The following PPP2R1B variants were observed in gnomAD, a reference collection of about 807,000 sequenced individuals.
The protein encoded by PPP2R1B is protein phosphatase 2 scaffold subunit Abeta.
In PPP2R1B, 58 loss-of-function variants were observed where a neutral mutation model predicts 72.7. That is an observed-to-expected ratio of 0.80 (90% CI 0.65 to 0.99). PPP2R1B has a LOEUF of 0.99. PPP2R1B is among the 50% of genes least tolerant of loss of function. The pLI is 0.00. For synonymous variants in PPP2R1B, 256 were observed against 264.6 expected, an observed-to-expected ratio of 0.97 and a Z score of 0.32; for missense variants, 695 against 733.6, an observed-to-expected ratio of 0.95 and a Z score of 0.61.
chr11:111,721,712 T>C, the PPP2R1B span: 1 of 664,858 alleles, frequency 1.5e-6, no homozygotes, highest in Non-Finnish European at 2.5e-6. Flanking sequence ...CTTTGAGTAT[T>C]AATAAGTCTC....
chr11:111,727,260 G>A (rs1944003271), intron 15 of PPP2R1B: 3 of 596,042 alleles, frequency 5.0e-6, no homozygotes, highest in South Asian at 2.0e-5. Flanking sequence ...CACCAGGGGA[G>A]TGGGGATGGG....
In PPP2R1B at chr11:111,740,798, C is replaced by T. The variant is rs1944491635; in HGVS notation, c.*798G>A. ...GTGGTTCTTAGACTCATTCGAAATA[C>T]AGAACTGCAATCTCACAATGAAACA... On this transcript the variant is annotated 3_prime_UTR_variant, in exon 15 of 15. Coordinates refer to ENST00000527614, the MANE Select transcript of PPP2R1B (RefSeq NM_002716.5). 1 of 985,370 alleles carries T rather than the reference C, an allele frequency of 1.0e-6. No individual in the cohort carries two copies. Among genetic ancestry groups the T allele is most frequent in the Non-Finnish European group, 1.2e-6 (1 of 829,858 alleles). 61.0% of individuals were successfully genotyped at this position (985,370 alleles called of 1,614,324 possible).
chr11:111,702,835 A>G, the PPP2R1B span, among the ~76,000 whole-genome samples: 134 of 152,316 alleles, frequency 8.8e-4, no homozygotes, highest in Non-Finnish European at 1.8e-3. Context: ...TAGCCTTAGT[A>G]TATCAGCATT....
At chr11:111,688,005 T>C in the PPP2R1B span, 9 of 1,614,110 alleles carry the variant, frequency 5.6e-6, no homozygotes, top group Non-Finnish European at 7.6e-6. This position sits in a 1 kb window ranked among gnomAD's most constrained non-coding sequence, Gnocchi z 4.2. Flanking sequence ...TTACAGACTA[T>C]CTTGCTAATC....
chr11:111,743,883 G>C (rs924683947), intron 11 of PPP2R1B, among the ~76,000 whole-genome samples: 2 of 152,228 alleles, frequency 1.3e-5, no homozygotes, highest in Non-Finnish European at 2.9e-5. Flanking sequence ...CATGGTGTAA[G>C]AGCAATTAGA....
intron 13 of PPP2R1B, 32 bp from the exon 14 acceptor site, chr11:111,742,176 A>G: frequency 1.3e-6 from 2 of 1,523,236 alleles, no homozygotes; most frequent in Non-Finnish European, 1.8e-6. Context: ...TGTGAAAGAC[A>G]GTCTAATGGG....
the PPP2R1B span, among the ~76,000 whole-genome samples, chr11:111,716,580 AAAAAAAG>A: frequency 1.3e-5 from 2 of 150,026 alleles, no homozygotes; most frequent in African/African-American, 5.1e-5. Context: ...CTGTCTCACC[AAAAAAAG>A]AAAAAAGAAG....
the PPP2R1B span, among the ~76,000 whole-genome samples, chr11:111,713,318 A>C: frequency 2.0e-5 from 3 of 152,246 alleles, no homozygotes; most frequent in East Asian, 5.8e-4. Context: ...ATAGAAGATC[A>C]TAATAATGGG....
rs1176373486 is a variant in PPP2R1B, at chr11:111,754,183, CT to C, written c.1029+315del. Among the ~76,000 whole-genome samples, 4 of 152,186 alleles carry C rather than the reference CT, an allele frequency of 2.6e-5. No individual in the cohort carries two copies. The East Asian group carries it at 7.7e-4, about 29-fold the overall frequency. ...CCTCCCACCTCAGCGTCCCAAAGTG[CT>C]TGGATTACAGGCATGTACCACCATG... is the stretch of plus-strand genomic sequence containing the variant. On this transcript the variant is annotated intron_variant, in intron 8 of 14. Transcript: ENST00000527614.
chr11:111,744,907 A>C (rs1944652758), intron 11 of PPP2R1B, among the ~76,000 whole-genome samples: 1 of 152,186 alleles, frequency 6.6e-6, no homozygotes, highest in African/African-American at 2.4e-5. Context: ...AGATGCACTA[A>C]GGAGCAAACT....
At chr11:111,721,990 GTTC>G (rs755268641), downstream of PPP2R1B, 14 of 1,412,594 alleles carry the variant, frequency 9.9e-6, no homozygotes, top group South Asian at 1.6e-4. Context: ...TCCAGAATCT[GTTC>G]TTCTGCAAAG....
At position 111,755,074 on chromosome 11, in the gene PPP2R1B, A is replaced by T; in HGVS notation, c.864T>A (p.Pro288=). Residue 288 remains proline (P), a synonymous_variant, in exon 7 of 15, where the codon CCT becomes CCA. Transcript: ENST00000527614. Reference sequence around the variant, plus strand: ...GGATGAGGTCATTTAGGGTGATTTTAGGACCCATGGCTTTCTGGAGCTATA... The same window carrying T: ...GGATGAGGTCATTTAGGGTGATTTTTGGACCCATGGCTTTCTGGAGCTATA... ...RFSELQKAMG[P]KITLNDLIPA... 6.2e-7 allele frequency: 1 copy of T among 1,612,998 alleles called. No homozygotes were observed. Among genetic ancestry groups the T allele is most frequent in the Non-Finnish European group, 8.5e-7 (1 of 1,179,148 alleles).
At chr11:111,723,516 T>C, downstream of PPP2R1B, 2 of 1,603,718 alleles carry the variant, frequency 1.2e-6, no homozygotes, top group African/African-American at 1.3e-5. Context: ...AAGCGACTCT[T>C]TCTTCAGAAG....
the PPP2R1B span, among the ~76,000 whole-genome samples, chr11:111,708,675 C>T: frequency 1.4e-4 from 21 of 152,240 alleles, no homozygotes; most frequent in African/African-American, 4.8e-4. Flanking sequence ...CCTCAACCTC[C>T]TGGGCTCAGG....
the PPP2R1B span, chr11:111,701,631 A>G: frequency 6.3e-7 from 1 of 1,579,030 alleles, no homozygotes; most frequent in Non-Finnish European, 8.6e-7. This position sits in a 1 kb window ranked among gnomAD's most constrained non-coding sequence, Gnocchi z 4.2. Context: ...CTCCAAGTGA[A>G]ATGCCTAGGT....
the PPP2R1B span, chr11:111,704,919 TAGGCA>T: frequency 6.8e-7 from 1 of 1,473,140 alleles, no homozygotes; most frequent in Admixed American, 2.7e-5. Context: ...TCTTTTTTTT[TAGGCA>T]TGTGTAGATC....
Position 111,740,944 on chromosome 11 carries a change from T to C in PPP2R1B, c.*652A>G. 2 of 985,478 alleles carry C rather than the reference T, an allele frequency of 2.0e-6. No homozygotes were observed. Among genetic ancestry groups the C allele is most frequent in the Non-Finnish European group, 2.4e-6 (2 of 829,960 alleles). 61.0% of individuals were successfully genotyped at this position (985,478 alleles called of 1,614,324 possible). A position where few individuals can be genotyped will look rare whatever the true frequency, so the allele number is the denominator to read the frequency against. ...TCAGTTAGGCGTCAACATCACACATTAGCAGCAAGATGCAGCCACACTTCA... is the reference window on the plus strand; with the variant it reads ...TCAGTTAGGCGTCAACATCACACATCAGCAGCAAGATGCAGCCACACTTCA... On this transcript the variant is annotated 3_prime_UTR_variant, in exon 15 of 15. Coordinates refer to ENST00000527614, the MANE Select transcript of PPP2R1B (RefSeq NM_002716.5).
rs147168300 is a variant in PPP2R1B, at chr11:111,742,612, G to A, written c.1608C>T (p.Ile536=). ...CTTGGTCTCCTGCCATTTTTAATACGATGGGCAGCATTTGCTTAGTAGTTA... is the reference window on the plus strand; with the variant it reads ...CTTGGTCTCCTGCCATTTTTAATACAATGGGCAGCATTTGCTTAGTAGTTA... The part of the protein sequence containing the change: ...QEITTKQMLP[I]VLKMAGDQVA... Residue 536 remains isoleucine (I), a synonymous_variant, in exon 13 of 15, where the codon ATC becomes ATT. Coordinates refer to ENST00000527614, the MANE Select transcript of PPP2R1B (RefSeq NM_002716.5). The A allele has an allele frequency of 2.4e-4, 381 of 1,613,698 alleles. No homozygotes were observed. Among genetic ancestry groups the A allele is most frequent in the Non-Finnish European group, 3.0e-4 (356 of 1,179,910 alleles).
chr11:111,741,145 A>G lies in PPP2R1B; in HGVS notation c.*451T>C. 4.0e-6 allele frequency: 4 copies of G among 989,438 alleles called. No homozygotes were observed. The highest frequency in any genetic ancestry group is 4.8e-6 in the Non-Finnish European group (4 of 832,176). The allele number at this position is 989,438 out of a possible 1,614,324, so 61.3% of individuals were successfully genotyped here. ...TCTCAACATGTCTCCCGAAGAGTTT[A>G]TAAAATAAGTTATTCTAAACATGTA... On this transcript the variant is annotated 3_prime_UTR_variant, in exon 15 of 15. Transcript: ENST00000527614.
Sources: gnomAD v4.1 joint callset for allele counts (sites outside exome capture counted in the v4.1 genomes callset) on GRCh38, gnomAD v4.1.1 for gene constraint, Gnocchi (gnomAD v3.1) non-coding constraint, MANE v1.5 for transcripts, NCBI Gene and HGNC (gene_info 2026-07-23, HGNC 2026-07-21) for gene names.